The following DIAPH2 variants were observed in gnomAD, a reference collection of about 807,000 sequenced individuals.
The protein encoded by DIAPH2 is protein diaphanous homolog 2.
DIAPH2 carries 35 observed loss-of-function variants against 92.7 expected under a neutral mutation model. The ratio of observed to expected loss-of-function variants is 0.38; its 90% CI spans 0.29 to 0.50. The LOEUF is 0.50. Among genes scored for constraint, DIAPH2 ranks in the 20% least tolerant of loss-of-function variants. The pLI is 0.94. For missense variants in DIAPH2, 701 were observed against 819.5 expected (o/e 0.86, Z 1.77); for synonymous variants, 301 against 280.4 (o/e 1.07, Z -0.73).
At chrX:97,297,733 AT>A (rs374923629) in intron 23 of DIAPH2, among the ~76,000 whole-genome samples, 113 of 109,683 alleles carry the variant, frequency 1.0e-3, no homozygotes, top group African/African-American at 3.5e-3. Flanking sequence ...TTTCCCCCCA[AT>A]ATAAGCATTA....
At chrX:96,869,454 C>T (rs773150993) in intron 4 of DIAPH2, among the ~76,000 whole-genome samples, 34 of 109,610 alleles carry the variant, frequency 3.1e-4, no homozygotes, top group Non-Finnish European at 5.3e-4. Context: ...CCCAGCTGCT[C>T]AGGAGGCTGA....
chrX:97,082,527 G>C (rs2066754391), intron 19 of DIAPH2, among the ~76,000 whole-genome samples: 1 of 110,210 alleles, frequency 9.1e-6, no homozygotes, highest in Non-Finnish European at 1.9e-5. Flanking sequence ...AGCTACTCGG[G>C]AGGCTGAGGC....
chrX:96,736,077 T>C (rs976583228), intron 2 of DIAPH2, among the ~76,000 whole-genome samples: 9 of 111,567 alleles, frequency 8.1e-5, no homozygotes, highest in African/African-American at 2.9e-4. Context: ...GCTTCCTTTT[T>C]TGATGGCCAA....
At chrX:96,932,761 TTCA>T (rs2065627598) in intron 10 of DIAPH2, among the ~76,000 whole-genome samples, 1 of 111,339 alleles carries the variant, frequency 9.0e-6, no homozygotes, top group African/African-American at 3.3e-5. Flanking sequence ...ACTTCAAGCA[TTCA>T]TCATTTCTTT....
At chrX:96,940,175 G>A (rs1273009264) in intron 12 of DIAPH2, among the ~76,000 whole-genome samples, 1 of 111,029 alleles carries the variant, frequency 9.0e-6, no homozygotes, top group East Asian at 2.8e-4. Flanking sequence ...TTTATCTTGT[G>A]CATATTAAGT....
intron 4 of DIAPH2, among the ~76,000 whole-genome samples, chrX:96,830,570 CAAAAAAAAAAA>C (rs776270215): frequency 0.15 from 1,967 of 13,373 alleles, 23 homozygotes; most frequent in Non-Finnish European, 0.18. Context: ...GACTCAGTCT[CAAAAAAAAAAA>C]AAAAAAAAAA....
At chrX:96,735,811 T>A in intron 2 of DIAPH2, 21 bp downstream of exon 2, 1 of 948,413 alleles carries the variant, frequency 1.1e-6, no homozygotes, top group Non-Finnish European at 1.5e-6. Context: ...CTTAGCATGT[T>A]ATTACATTAC....
chrX:96,908,876 G>A (rs998046074), intron 5 of DIAPH2, among the ~76,000 whole-genome samples: 6 of 112,060 alleles, frequency 5.4e-5, no homozygotes, highest in African/African-American at 1.9e-4. Context: ...TGGGATTACA[G>A]GCGTGAGCCA....
chrX:97,033,173 T>C (rs1044514325), intron 17 of DIAPH2, among the ~76,000 whole-genome samples: 2 of 112,261 alleles, frequency 1.8e-5, no homozygotes, highest in Non-Finnish European at 3.8e-5. Flanking sequence ...TCTTCAGATA[T>C]AGTTAGGTTT....
intron 4 of DIAPH2, among the ~76,000 whole-genome samples, chrX:96,838,512 A>G (rs905538913): frequency 8.9e-6 from 1 of 112,441 alleles, no homozygotes; most frequent in Non-Finnish European, 1.9e-5. Context: ...CTGTATTAGT[A>G]CAAAATTACA....
rs1002397654 is a variant in DIAPH2 at position 97,352,970 on chromosome X, A to G, written c.3009+4690A>G. On this transcript the variant is annotated intron_variant, in intron 24 of 26. Coordinates refer to ENST00000324765, the MANE Select transcript of DIAPH2 (RefSeq NM_006729.5). ...ATTTTGTGGAAGAAAATCAAATTCC[A>G]TGATACACAATGGAGACTCAGGAGG... Among the ~76,000 whole-genome samples, 17 of 108,635 alleles carry G rather than the reference A, an allele frequency of 1.6e-4. 2 individuals are homozygous for G. Among genetic ancestry groups the G allele is most frequent in the Non-Finnish European group, 3.3e-4 (17 of 52,074 alleles). The allele number at this position is 108,635 out of a possible 115,157, so 94.3% of individuals were successfully genotyped here.
intron 26 of DIAPH2, among the ~76,000 whole-genome samples, chrX:97,525,598 T>C (rs755467758): frequency 8.9e-6 from 1 of 112,534 alleles, no homozygotes; most frequent in East Asian, 2.8e-4. Context: ...GGGAACTTAA[T>C]AGGCCCTTCA....
intron 26 of DIAPH2, among the ~76,000 whole-genome samples, chrX:97,484,929 C>T (rs965608873): frequency 1.8e-5 from 2 of 112,101 alleles, no homozygotes; most frequent in South Asian, 3.7e-4. Flanking sequence ...CCCATCACTT[C>T]ATCTTACCCA....
chrX:96,936,407 C>T (rs182954552), intron 10 of DIAPH2, among the ~76,000 whole-genome samples: 1 of 111,819 alleles, frequency 8.9e-6, no homozygotes, highest in Non-Finnish European at 1.9e-5. Context: ...CCTAGTCCCA[C>T]TTTCGGTATC....
At position 97,352,980 on chromosome X, in the gene DIAPH2, A is replaced by G. The variant is rs146291507; in HGVS notation, c.3009+4700A>G. 4.1e-3 allele frequency among the ~76,000 whole-genome samples: 451 copies of G among 108,945 alleles called. 7 individuals are homozygous for G. The highest frequency in any genetic ancestry group is 0.013 in the African/African-American group (393 of 30,207). The allele number at this position is 108,945 out of a possible 115,157, so 94.6% of individuals were successfully genotyped here. On this transcript the variant is annotated intron_variant, in intron 24 of 26. Transcript: ENST00000324765. ...AGAAAATCAAATTCCATGATACACA[A>G]TGGAGACTCAGGAGGGTTTTGTGGT...
chrX:97,248,250 C>T (rs1483487849), intron 23 of DIAPH2, among the ~76,000 whole-genome samples: 1 of 110,792 alleles, frequency 9.0e-6, no homozygotes, highest in African/African-American at 3.3e-5. Flanking sequence ...TGTGCATTTT[C>T]AAGGACAATA....
chrX:96,813,444 T>C (rs899958457), intron 4 of DIAPH2, among the ~76,000 whole-genome samples: 7 of 110,935 alleles, frequency 6.3e-5, no homozygotes, highest in Non-Finnish European at 1.3e-4. Context: ...GTTTCCTGAA[T>C]ACAGCACACT....
At chrX:97,429,494 G>A (rs1000902614) in intron 25 of DIAPH2, among the ~76,000 whole-genome samples, 156 bp from the exon 26 acceptor site, 2 of 111,955 alleles carry the variant, frequency 1.8e-5, no homozygotes, top group African/African-American at 6.5e-5. Context: ...AAAGTAGTCT[G>A]TGGTGCCAGA....
chrX:96,879,574 T>C (rs1198214173), intron 4 of DIAPH2, among the ~76,000 whole-genome samples: 1 of 111,387 alleles, frequency 9.0e-6, no homozygotes, highest in Non-Finnish European at 1.9e-5. Context: ...AATAAAACTA[T>C]AATTTTGAAT....
Sources: gnomAD v4.1 joint callset for allele counts (sites outside exome capture counted in the v4.1 genomes callset) on GRCh38, gnomAD v4.1.1 for gene constraint, MANE v1.5 for transcripts, NCBI Gene and HGNC (gene_info 2026-07-23, HGNC 2026-07-21) for gene names.